The following CLDN16 variants were observed in gnomAD, a reference collection of about 807,000 sequenced individuals.
CLDN16 encodes the protein claudin 16.
In CLDN16, 13 loss-of-function variants were observed where a neutral mutation model predicts 24.6. The ratio of observed to expected loss-of-function variants is 0.53; its 90% CI spans 0.34 to 0.84. CLDN16 has a LOEUF of 0.84. Among genes scored for constraint, CLDN16 ranks in the 40% least tolerant of loss-of-function variants. The pLI is 0.01. For missense variants in CLDN16, 298 were observed against 292.7 expected, an observed-to-expected ratio of 1.02 and a Z score of -0.13; for synonymous variants, 116 against 106.7, an observed-to-expected ratio of 1.09 and a Z score of -0.54.
chr3:190,313,142 G>A, the CLDN16 span: 1 of 1,334,818 alleles, frequency 7.5e-7, no homozygotes, highest in Non-Finnish European at 1.1e-6. Flanking sequence ...GAGAAAACTG[G>A]ACTAGGAATC....
intron 1 of CLDN16, among the ~76,000 whole-genome samples, chr3:190,366,399 G>A (rs1397043524): frequency 1.3e-5 from 2 of 151,814 alleles, no homozygotes; most frequent in Non-Finnish European, 2.9e-5. Flanking sequence ...TTCATTTCCA[G>A]CTGGTTAGTA....
At chr3:190,360,600 T>G (rs1187999342) in intron 1 of CLDN16, among the ~76,000 whole-genome samples, 2 of 151,992 alleles carry the variant, frequency 1.3e-5, no homozygotes, top group Non-Finnish European at 2.9e-5. Flanking sequence ...TTAATTATAA[T>G]GTAATTATTT....
the CLDN16 span, among the ~76,000 whole-genome samples, chr3:190,316,974 A>AT: frequency 6.6e-6 from 1 of 152,098 alleles, no homozygotes; most frequent in Non-Finnish European, 1.5e-5. Context: ...ATTTTGATCT[A>AT]TTTTTTAAAG....
At chr3:190,312,010 C>T in the CLDN16 span, among the ~76,000 whole-genome samples, 6 of 150,362 alleles carry the variant, frequency 4.0e-5, no homozygotes, top group Admixed American at 6.6e-5. Flanking sequence ...TGCAGTGGTG[C>T]GATCTCGGCT....
At chr3:190,408,950 C>CATATATGTATATGTATACAT (rs1297582556) in intron 4 of CLDN16, among the ~76,000 whole-genome samples, 1 of 149,112 alleles carries the variant, frequency 6.7e-6, no homozygotes, top group African/African-American at 2.5e-5. Flanking sequence ...TATGTATATG[C>CATATATGTATATGTATACAT]ATATATGTAT....
chr3:190,389,725 C>A (rs1718601758), intron 1 of CLDN16, among the ~76,000 whole-genome samples: 1 of 152,096 alleles, frequency 6.6e-6, no homozygotes, highest in African/African-American at 2.4e-5. Context: ...GAAATAAATG[C>A]CCTTTGAACA....
In CLDN16 at chr3:190,396,962, G is replaced by A. The variant is rs1054064779; in HGVS notation, c.115-5375G>A. Among the ~76,000 whole-genome samples, 7 of 152,278 alleles carry A rather than the reference G, an allele frequency of 4.6e-5. No individual in the cohort carries two copies. In the South Asian group the frequency reaches 6.2e-4, roughly 14 times the overall value. On this transcript the variant is annotated intron_variant, in intron 1 of 4. Coordinates refer to ENST00000264734, the MANE Select transcript of CLDN16 (RefSeq NM_006580.4). ...TAGCCAGCGTTCACGAGAGAGGCAG[G>A]TTGGGTAGGATCTGTGGGGAACCTG...
rs187270120 is a variant in CLDN16 at position 190,323,848 on chromosome 3, C to G, written n.121+1187C>G. Among the ~76,000 whole-genome samples, 3 of 152,266 alleles carry G rather than the reference C, an allele frequency of 2.0e-5. No individual in the cohort carries two copies. In the East Asian group the frequency reaches 5.8e-4, roughly 29 times the overall value. On this transcript the variant is annotated intron_variant and non_coding_transcript_variant, in intron 1 of 4. Coordinates refer to the CLDN16 transcript ENST00000468220. ...GGGACAAGCAATGAAGAATGTAAGA[C>G]AGGAGCTAGATGAAGACAATTAATT...
chr3:190,312,630 G>T, the CLDN16 span, among the ~76,000 whole-genome samples: 5 of 151,276 alleles, frequency 3.3e-5, no homozygotes, highest in East Asian at 9.6e-4. Flanking sequence ...CACTGGAAGA[G>T]ACTGGTTCTA....
At chr3:190,370,805 C>A (rs1239956956) in intron 1 of CLDN16, 2 of 151,664 alleles carry the variant, frequency 1.3e-5, no homozygotes, top group African/African-American at 4.8e-5. Flanking sequence ...AATCAGCTGC[C>A]AGTGTGGCCA....
Position 190,395,587 on chromosome 3 carries a change from C to T in CLDN16, c.115-6750C>T, listed in dbSNP as rs936378446. Among the ~76,000 whole-genome samples, 27 of 151,972 alleles carry T rather than the reference C, an allele frequency of 1.8e-4. No individual in the cohort carries two copies. The East Asian group carries it at 2.1e-3, about 12-fold the overall frequency. ...TACTACAATATTATTAAAACTTTTG[C>T]GTCTTAATAAATATAAGTAAGTACT... On this transcript the variant is annotated intron_variant, in intron 1 of 4. Transcript: ENST00000264734.
intron 1 of CLDN16, among the ~76,000 whole-genome samples, chr3:190,368,773 T>C (rs1316135030): frequency 6.6e-6 from 1 of 151,878 alleles, no homozygotes; most frequent in Non-Finnish European, 1.5e-5. Context: ...CTGAAGAGGG[T>C]AGAGCATAAA....
rs150959236 is a variant in CLDN16, at chr3:190,332,675, G to T, written n.121+10014G>T. ...TAAGATTATGCAAAAGCACAATATC[G>T]AGTAATACAGAATTGCTGTGTATTA... is the stretch of plus-strand genomic sequence containing the variant. On this transcript the variant is annotated intron_variant and non_coding_transcript_variant, in intron 1 of 4. Transcript: ENST00000468220. Among the ~76,000 whole-genome samples the T allele has an allele frequency of 3.1e-3, 477 of 152,106 alleles. No individual in the cohort carries two copies. In the South Asian group the frequency reaches 0.032, roughly 10 times the overall value.
chr3:190,383,576 A>G (rs1718416802), upstream of CLDN16, among the ~76,000 whole-genome samples: 1 of 152,142 alleles, frequency 6.6e-6, no homozygotes, highest in Non-Finnish European at 1.5e-5. Flanking sequence ...AAATGACTAA[A>G]ATACATTATA....
intron 1 of CLDN16, among the ~76,000 whole-genome samples, chr3:190,343,982 G>T (rs116506686): frequency 6.6e-6 from 1 of 151,884 alleles, no homozygotes; most frequent in Non-Finnish European, 1.5e-5. Context: ...GTGATAGGGC[G>T]AATAATGAAT....
At chr3:190,369,434 A>T (rs1170213713) in intron 1 of CLDN16, among the ~76,000 whole-genome samples, 1 of 151,968 alleles carries the variant, frequency 6.6e-6, no homozygotes, top group Non-Finnish European at 1.5e-5. Flanking sequence ...TGCAGTGAGA[A>T]ATTGCTATAA....
the CLDN16 span, among the ~76,000 whole-genome samples, chr3:190,293,685 TAAC>T: frequency 6.6e-6 from 1 of 152,182 alleles, no homozygotes; most frequent in East Asian, 1.9e-4. Flanking sequence ...AAACTATAGC[TAAC>T]AGGATTTAAT....
At chr3:190,399,784 C>T (rs527286795) in intron 1 of CLDN16, among the ~76,000 whole-genome samples, 1 of 152,098 alleles carries the variant, frequency 6.6e-6, no homozygotes, top group Admixed American at 6.6e-5. Context: ...CAGACCAGTA[C>T]TAGTCCGTGG....
At chr3:190,330,474 T>C (rs1160541632) in intron 1 of CLDN16, among the ~76,000 whole-genome samples, 1 of 152,210 alleles carries the variant, frequency 6.6e-6, no homozygotes, top group African/African-American at 2.4e-5. Context: ...CTGTGTGATA[T>C]TAGATAAGTT....
Sources: gnomAD v4.1 joint callset for allele counts (sites outside exome capture counted in the v4.1 genomes callset) on GRCh38, gnomAD v4.1.1 for gene constraint, MANE v1.5 for transcripts, NCBI Gene and HGNC (gene_info 2026-07-23, HGNC 2026-07-21) for gene names.